The following DLGAP2 variants were observed in gnomAD, a reference collection of about 807,000 sequenced individuals.
DLGAP2 encodes the protein disks large-associated protein 2.
DLGAP2 carries 26 observed loss-of-function variants against 100.3 expected under a neutral mutation model. The ratio of observed to expected loss-of-function variants is 0.26; its 90% CI spans 0.19 to 0.36. The LOEUF (loss-of-function observed/expected upper bound fraction) is 0.36, where lower values mean the gene tolerates loss of function less well. Ranked by LOEUF, DLGAP2 falls within the 10% of genes least tolerant of loss-of-function variation. The probability of loss-of-function intolerance (pLI) is 1.00; values close to 1 mark genes in which losing one functional copy is unlikely to be tolerated. For synonymous variants in DLGAP2, 886 were observed against 630.1 expected, an observed-to-expected ratio of 1.41 and a Z score of -6.08; for missense variants, 1,858 against 1,453.2, an observed-to-expected ratio of 1.28 and a Z score of -4.53.
intron 2 of DLGAP2, among the ~76,000 whole-genome samples, chr8:1,201,166 A>G (rs1797864576): frequency 1.3e-5 from 2 of 152,186 alleles, no homozygotes; most frequent in Admixed American, 1.3e-4. Context: ...GTGGAGGCTG[A>G]AGCCGCTGCG....
chr8:1,386,344 G>A (rs941001712), intron 3 of DLGAP2, among the ~76,000 whole-genome samples: 1 of 152,176 alleles, frequency 6.6e-6, no homozygotes, highest in Non-Finnish European at 1.5e-5. Context: ...ATACAACATA[G>A]GCCGACACCC....
At chr8:1,273,774 T>C (rs1320728979) in intron 3 of DLGAP2, among the ~76,000 whole-genome samples, 1 of 152,114 alleles carries the variant, frequency 6.6e-6, no homozygotes, top group Non-Finnish European at 1.5e-5. Flanking sequence ...GATAAACTTG[T>C]TGTAGAATTC....
chr8:1,258,804 G>T (rs1255546995), intron 2 of DLGAP2, 47 bp from the exon 3 acceptor site: 1 of 1,230,232 alleles, frequency 8.1e-7, no homozygotes, highest in Non-Finnish European at 1.0e-6. Flanking sequence ...TAACTGCATG[G>T]TTGAGACCCT....
At chr8:1,352,315 G>A (rs1394059599) in intron 3 of DLGAP2, among the ~76,000 whole-genome samples, 10 of 150,944 alleles carry the variant, frequency 6.6e-5, no homozygotes, top group African/African-American at 2.2e-4. Context: ...AAGGCCGTGC[G>A]GGTCCTGAGT....
intron 3 of DLGAP2, among the ~76,000 whole-genome samples, chr8:1,424,688 G>C (rs1382834953): frequency 6.6e-6 from 1 of 152,232 alleles, no homozygotes; most frequent in African/African-American, 2.4e-5. Context: ...ACCTGGAGGA[G>C]TCAGATGCAC....
intron 3 of DLGAP2, among the ~76,000 whole-genome samples, chr8:1,388,470 A>G (rs867077925): frequency 0.019 from 328 of 17,290 alleles, no homozygotes; most frequent in Admixed American, 0.021. Context: ...TGGATGAGGA[A>G]GCGCTGGTTC....
intron 4 of DLGAP2, among the ~76,000 whole-genome samples, chr8:1,528,987 A>G (rs529975286): frequency 2.6e-5 from 4 of 152,300 alleles, no homozygotes; most frequent in African/African-American, 9.6e-5. Context: ...GTGATATTTA[A>G]CCTTCCTCAT....
intron 2 of DLGAP2, among the ~76,000 whole-genome samples, chr8:1,101,178 GTC>G (rs1183306443): frequency 2.6e-5 from 4 of 152,204 alleles, no homozygotes; most frequent in Non-Finnish European, 5.9e-5. Flanking sequence ...CATAAAATCT[GTC>G]TCTGAGTGTG....
intron 3 of DLGAP2, among the ~76,000 whole-genome samples, chr8:1,414,142 T>G (rs1465142900): frequency 2.6e-5 from 4 of 152,142 alleles, no homozygotes; most frequent in Non-Finnish European, 5.9e-5. Flanking sequence ...AAGTGAAGTG[T>G]TCAGGGTTGG....
chr8:1,521,153 G>A (rs539791077), intron 4 of DLGAP2, among the ~76,000 whole-genome samples: 1 of 143,944 alleles, frequency 6.9e-6, no homozygotes, highest in Non-Finnish European at 1.5e-5. Context: ...GAATACTTGG[G>A]CGGCAGGTGA....
chr8:980,579 C>T (rs548823367), intron 2 of DLGAP2, among the ~76,000 whole-genome samples: 9 of 152,266 alleles, frequency 5.9e-5, no homozygotes, highest in African/African-American at 1.7e-4. Flanking sequence ...TTGTGAAACA[C>T]GTGCTGTGTG....
chr8:1,650,580 C>T lies in DLGAP2; in HGVS notation c.1810+17534C>T, dbSNP rs147611986. 1.0e-3 allele frequency among the ~76,000 whole-genome samples: 159 copies of T among 152,352 alleles called. 1 individual carries two copies. The highest frequency in any genetic ancestry group is 3.5e-3 in the African/African-American group (146 of 41,578). ...ACAGAAATGAATTATTTGTCCTCTT[C>T]GGCTATTCCAGAAAAAGATACTGGG... is the stretch of plus-strand genomic sequence containing the variant. On this transcript the variant is annotated intron_variant, in intron 8 of 14. Coordinates refer to ENST00000637795, the MANE Select transcript of DLGAP2 (RefSeq NM_001346810.2).
intron 2 of DLGAP2, among the ~76,000 whole-genome samples, chr8:981,245 C>T (rs1270103870): frequency 1.3e-5 from 2 of 152,168 alleles, no homozygotes; most frequent in Non-Finnish European, 2.9e-5. Flanking sequence ...TGGCATGCAT[C>T]AGAATACCGT....
At chr8:1,282,054 T>C (rs1799825738) in intron 3 of DLGAP2, among the ~76,000 whole-genome samples, 1 of 98,722 alleles carries the variant, frequency 1.0e-5, no homozygotes, top group African/African-American at 4.6e-5. Context: ...GGACGTGGTG[T>C]GACCTGAACC....
intron 2 of DLGAP2, among the ~76,000 whole-genome samples, chr8:1,092,717 GA>G (rs1210759106): frequency 6.6e-6 from 1 of 152,182 alleles, no homozygotes. Flanking sequence ...AGCCAGAGAG[GA>G]ACCTGAGGTC....
At chr8:1,063,887 C>G (rs1220205334) in intron 2 of DLGAP2, among the ~76,000 whole-genome samples, 1 of 152,146 alleles carries the variant, frequency 6.6e-6, no homozygotes, top group Non-Finnish European at 1.5e-5. Flanking sequence ...TGAAGCAGAG[C>G]AAGTCAGTGG....
chr8:1,217,428 A>G (rs1355805664), intron 2 of DLGAP2, among the ~76,000 whole-genome samples: 1 of 152,086 alleles, frequency 6.6e-6, no homozygotes, highest in Non-Finnish European at 1.5e-5. Context: ...AGGGGAGTGC[A>G]TGTGTCTTTT....
At chr8:1,291,767 GC>G (rs1160760036) in intron 3 of DLGAP2, among the ~76,000 whole-genome samples, 1 of 152,052 alleles carries the variant, frequency 6.6e-6, no homozygotes, top group South Asian at 2.1e-4. Context: ...CCAACATTGA[GC>G]CCCCGGGGGC....
chr8:1,644,463 G>A (rs951100782), intron 8 of DLGAP2, among the ~76,000 whole-genome samples: 6 of 152,178 alleles, frequency 3.9e-5, no homozygotes, highest in African/African-American at 7.2e-5. Context: ...TCGTCGGCCC[G>A]CAGTTTCTTC....
Sources: allele counts gnomAD v4.1 joint callset (sites outside exome capture counted in the v4.1 genomes callset), GRCh38; gene constraint gnomAD v4.1.1; transcripts MANE v1.5; gene names NCBI Gene and HGNC (gene_info 2026-07-23, HGNC 2026-07-21).